The following OSBPL8 variants were observed in gnomAD, a reference collection of about 807,000 sequenced individuals.
OSBPL8 encodes oxysterol-binding protein-related protein 8.
OSBPL8 carries 59 observed loss-of-function variants against 125.5 expected under a neutral mutation model. The ratio of observed to expected loss-of-function variants is 0.47; its 90% CI spans 0.38 to 0.58. OSBPL8 has a LOEUF of 0.58. Among genes scored for constraint, OSBPL8 ranks in the 20% least tolerant of loss-of-function variants. The probability of loss-of-function intolerance (pLI) is 0.00; values close to 1 mark genes in which losing one functional copy is unlikely to be tolerated. For synonymous variants in OSBPL8, 330 were observed against 338.9 expected (o/e 0.97, Z 0.29); for missense variants, 758 against 1,047.8 (o/e 0.72, Z 3.82).
Position 76,499,729 on chromosome 12 carries a change from C to T in OSBPL8, c.-67-12111G>A, listed in dbSNP as rs187490344. Among the ~76,000 whole-genome samples, 964 of 152,130 alleles carry T rather than the reference C, an allele frequency of 6.3e-3. 11 individuals carry two copies. Among genetic ancestry groups the T allele is most frequent in the African/African-American group, 0.022 (931 of 41,500 alleles). ...AGCCGGGCATGGTGGCTAATCCCTG[C>T]TGTAATCCCAGCTACTCGGGAGGCT... On this transcript the variant is annotated intron_variant, in intron 1 of 23. Coordinates refer to ENST00000261183, the MANE Select transcript of OSBPL8 (RefSeq NM_020841.5).
At chr12:76,447,647 G>A (rs1325719945) in intron 4 of OSBPL8, among the ~76,000 whole-genome samples, 1 of 151,970 alleles carries the variant, frequency 6.6e-6, no homozygotes, top group Non-Finnish European at 1.5e-5. Flanking sequence ...AGGTTCAAGT[G>A]ATTCCCCTGC....
At chr12:76,404,282 T>C (rs1363625243) in intron 5 of OSBPL8, among the ~76,000 whole-genome samples, 13 of 152,194 alleles carry the variant, frequency 8.5e-5, no homozygotes, top group Non-Finnish European at 1.6e-4. Context: ...GGCTTAAAAT[T>C]ATTAGGAGAT....
chr12:76,402,611 TTTATCCTATTAGTCTAC>T, intron 6 of OSBPL8, 61 bp downstream of exon 6: 1 of 996,670 alleles, frequency 1.0e-6, no homozygotes, highest in Non-Finnish European at 1.5e-6. Flanking sequence ...CACATATATA[TTTATCCTATTAGTCTAC>T]TTCCAAACAC....
At chr12:76,487,842 T>C (rs1512506) in intron 1 of OSBPL8, among the ~76,000 whole-genome samples, 31,043 of 152,122 alleles carry the variant, frequency 0.2, 3,406 homozygotes, top group Non-Finnish European at 0.26. Context: ...AGAGCAAGGT[T>C]AAACATGAGA....
chr12:76,377,432 C>T (rs1350408948), intron 16 of OSBPL8, among the ~76,000 whole-genome samples: 1 of 152,176 alleles, frequency 6.6e-6, no homozygotes, highest in Non-Finnish European at 1.5e-5. Context: ...TCCTCTCCAG[C>T]ATCTGTTATT....
intron 1 of OSBPL8, among the ~76,000 whole-genome samples, chr12:76,545,663 T>TAGA (rs1555241931): frequency 6.6e-6 from 1 of 152,226 alleles, no homozygotes; most frequent in Non-Finnish European, 1.5e-5. Flanking sequence ...AGGATGCTTC[T>TAGA]GGGTTTTGAA....
intron 2 of OSBPL8, among the ~76,000 whole-genome samples, chr12:76,467,965 C>T (rs1875669260): frequency 6.6e-6 from 1 of 152,150 alleles, no homozygotes; most frequent in Non-Finnish European, 1.5e-5. Flanking sequence ...TAACTTCTTT[C>T]TGTGAGGTTT....
intron 1 of OSBPL8, among the ~76,000 whole-genome samples, chr12:76,543,294 G>T (rs749345960): frequency 6.6e-6 from 1 of 152,008 alleles, no homozygotes; most frequent in Non-Finnish European, 1.5e-5. Flanking sequence ...GGTCCTAGAG[G>T]CATTTTTCAG....
chr12:76,387,216 T>C (rs115108874), intron 12 of OSBPL8, among the ~76,000 whole-genome samples: 12 of 152,316 alleles, frequency 7.9e-5, no homozygotes, highest in East Asian at 7.7e-4. Flanking sequence ...GGGGAGGACA[T>C]AGGTTGACGA....
intron 4 of OSBPL8, among the ~76,000 whole-genome samples, chr12:76,418,597 G>A (rs1164458430): frequency 6.6e-6 from 1 of 152,112 alleles, no homozygotes; most frequent in Non-Finnish European, 1.5e-5. Flanking sequence ...TCGGGAGGCT[G>A]AAGTGGGCAG....
chr12:76,410,050 G>A (rs1565873712), intron 5 of OSBPL8, among the ~76,000 whole-genome samples: 2 of 151,598 alleles, frequency 1.3e-5, no homozygotes, highest in African/African-American at 4.8e-5. Flanking sequence ...TTTTCTTCAA[G>A]AAAAAAAATG....
intron 16 of OSBPL8, among the ~76,000 whole-genome samples, chr12:76,376,470 T>C (rs1196107106): frequency 3.9e-5 from 6 of 152,186 alleles, no homozygotes; most frequent in Admixed American, 1.3e-4. Flanking sequence ...GGGTGAAACA[T>C]CTTATAAAAA....
chr12:76,402,799 C>A, intron 5 of OSBPL8, 33 bp from the exon 6 acceptor site: 1 of 1,397,420 alleles, frequency 7.2e-7, no homozygotes, highest in South Asian at 1.2e-5. Context: ...GAAATTAAAT[C>A]CTTCAGATTT....
rs1229619552 is a variant in OSBPL8, at chr12:76,375,260, A to T, written c.1827+13T>A. The T allele has an allele frequency of 6.5e-7, 1 of 1,546,314 alleles. No individual in the cohort carries two copies. The highest frequency in any genetic ancestry group is 8.9e-7 in the Non-Finnish European group (1 of 1,120,904). ...CCTTTAGCTAGGTGATACCTACTGT[A>T]TTGTCTACTAACCTTTAGTTTAAAT... On this transcript the variant is annotated intron_variant, in intron 17 of 23. Coordinates refer to ENST00000261183, the MANE Select transcript of OSBPL8 (RefSeq NM_020841.5).
chr12:76,509,470 AC>A (rs1449583530), intron 1 of OSBPL8, among the ~76,000 whole-genome samples: 1 of 152,200 alleles, frequency 6.6e-6, no homozygotes, highest in Non-Finnish European at 1.5e-5. Context: ...TCCTATTCAT[AC>A]GTACTTTGAA....
chr12:76,416,101 A>G (rs1868632100), intron 4 of OSBPL8, among the ~76,000 whole-genome samples: 2 of 152,056 alleles, frequency 1.3e-5, no homozygotes, highest in South Asian at 4.1e-4. Flanking sequence ...ACAAATTTCG[A>G]TATGTAATGC....
intron 1 of OSBPL8, among the ~76,000 whole-genome samples, chr12:76,511,963 T>G (rs1881042197): frequency 6.6e-6 from 1 of 152,250 alleles, no homozygotes; most frequent in Admixed American, 6.5e-5. Context: ...CAGCATCATT[T>G]AACTTGTTAA....
chr12:76,441,552 A>C (rs1378670213), intron 4 of OSBPL8, among the ~76,000 whole-genome samples: 1 of 152,186 alleles, frequency 6.6e-6, no homozygotes, highest in African/African-American at 2.4e-5. Context: ...CTTGCTAAAA[A>C]GGAGATTTCA....
At chr12:76,359,143 C>G (rs183070628) in intron 21 of OSBPL8, among the ~76,000 whole-genome samples, 2 of 152,184 alleles carry the variant, frequency 1.3e-5, no homozygotes, top group East Asian at 3.9e-4. Flanking sequence ...ATATAGATCC[C>G]CCTACCTCTG....
Sources: allele counts gnomAD v4.1 joint callset (sites outside exome capture counted in the v4.1 genomes callset), GRCh38; gene constraint gnomAD v4.1.1; transcripts MANE v1.5; gene names NCBI Gene and HGNC (gene_info 2026-07-23, HGNC 2026-07-21).